PALM2AKAP2: variants seen among roughly 807,000 people sequenced by gnomAD.
PALM2AKAP2 encodes the protein PALM2 and AKAP2 fusion, also known as PALM2-AKAP2 fusion protein.
PALM2AKAP2 carries 37 observed loss-of-function variants against 71.5 expected under a neutral mutation model. The ratio of observed to expected loss-of-function variants is 0.52; its 90% CI spans 0.40 to 0.68. PALM2AKAP2 has a LOEUF of 0.68. PALM2AKAP2 is among the 30% of genes least tolerant of loss of function. The probability of loss-of-function intolerance (pLI) is 0.00; values close to 1 mark genes in which losing one functional copy is unlikely to be tolerated. For missense variants in PALM2AKAP2, 1,224 were observed against 1,191.8 expected, an observed-to-expected ratio of 1.03 and a Z score of -0.40; for synonymous variants, 468 against 478.8, an observed-to-expected ratio of 0.98 and a Z score of 0.29.
intron 6 of PALM2AKAP2, among the ~76,000 whole-genome samples, chr9:109,980,950 C>T (rs769077060): frequency 1.2e-4 from 18 of 152,178 alleles, no homozygotes; most frequent in Non-Finnish European, 2.5e-4. Context: ...GGGGTGCCTC[C>T]CAGCTTCGTG....
chr9:110,168,361 C>T, intron 3 of PALM2AKAP2, 38 bp from the exon 11 acceptor site: 1 of 1,600,886 alleles, frequency 6.2e-7, no homozygotes, highest in Non-Finnish European at 8.5e-7. Context: ...TAATTAACAT[C>T]CATGAACTCT....
chr9:110,096,928 TTTTATTTATTTATTTA>T (rs149932603), intron 1 of PALM2AKAP2, among the ~76,000 whole-genome samples: 3,429 of 148,402 alleles, frequency 0.023, 120 homozygotes, highest in African/African-American at 0.08. Flanking sequence ...AGAATTTTCT[TTTTATTTATTTATTTA>T]TTTATTTATT....
intron 1 of PALM2AKAP2, among the ~76,000 whole-genome samples, chr9:109,678,171 CCACAATAAATA>C (rs1288112747): frequency 6.6e-6 from 1 of 152,148 alleles, no homozygotes; most frequent in African/African-American, 2.4e-5. Context: ...TTCTGCATTT[CCACAATAAATA>C]CACAAGCAGG....
intron 3 of PALM2AKAP2, 113 bp downstream of exon 9, chr9:110,156,610 T>TG: frequency 7.5e-7 from 1 of 1,331,982 alleles, no homozygotes; most frequent in Non-Finnish European, 9.8e-7. Flanking sequence ...AGCATTAGGG[T>TG]TCCAGTATCA....
chr9:109,762,150 G>A (rs1829064723), intron 1 of PALM2AKAP2, among the ~76,000 whole-genome samples: 1 of 142,342 alleles, frequency 7.0e-6, no homozygotes, highest in Non-Finnish European at 1.6e-5. Flanking sequence ...GGATCTAGAA[G>A]GACAGAATTT....
chr9:109,992,746 A>T (rs1832508190), intron 6 of PALM2AKAP2, among the ~76,000 whole-genome samples: 1 of 152,038 alleles, frequency 6.6e-6, no homozygotes, highest in Non-Finnish European at 1.5e-5. Context: ...CAACTAGATG[A>T]CTTCTAGCAT....
Position 109,941,145 on chromosome 9 carries a change from C to CTT in PALM2AKAP2, c.496+9140_496+9141dup, listed in dbSNP as rs34635858. On this transcript the variant is annotated intron_variant, in intron 6 of 9. Coordinates refer to the PALM2AKAP2 transcript ENST00000302798. ...TTCTCTTCTTCTTCTTCTTCCTCTT[C>CTT]TTTTTTTTTTTTTTTTTTTTTTTTA... 3.5e-3 allele frequency among the ~76,000 whole-genome samples: 375 copies of CTT among 106,246 alleles called. 4 individuals are homozygous for CTT. The highest frequency in any genetic ancestry group is 0.012 in the Middle Eastern group (2 of 164). 69.7% of individuals were successfully genotyped at this position (106,246 alleles called of 152,430 possible).
chr9:110,109,604 T>G (rs1264952157), intron 1 of PALM2AKAP2, among the ~76,000 whole-genome samples: 1 of 152,114 alleles, frequency 6.6e-6, no homozygotes, highest in Non-Finnish European at 1.5e-5. Flanking sequence ...TAGAACTACG[T>G]GCAAGGGGTC....
rs528030868 is a variant in PALM2AKAP2 at position 109,951,230 on chromosome 9, T to C, written c.496+19202T>C. On this transcript the variant is annotated intron_variant, in intron 6 of 9. Transcript: ENST00000302798. ...TGATGTCTCTGTAAATACTTTCATT[T>C]GTGGTTGGTTGGTGGGGGTGGGGGT... Among the ~76,000 whole-genome samples, 14 of 136,162 alleles carry C rather than the reference T, an allele frequency of 1.0e-4. No homozygotes were observed. In the South Asian group the frequency reaches 3.7e-3, roughly 36 times the overall value. 89.3% of individuals were successfully genotyped at this position (136,162 alleles called of 152,430 possible).
At chr9:110,044,337 T>G (rs1333578091), upstream of PALM2AKAP2, among the ~76,000 whole-genome samples, 1 of 143,794 alleles carries the variant, frequency 7.0e-6, no homozygotes, top group Non-Finnish European at 1.5e-5. Flanking sequence ...TTTCTTTTTC[T>G]TTCTTTCTTT....
intron 2 of PALM2AKAP2, among the ~76,000 whole-genome samples, chr9:110,148,167 T>G (rs1302190149): frequency 6.6e-6 from 1 of 152,316 alleles, no homozygotes; most frequent in Admixed American, 6.5e-5. Flanking sequence ...ATAATTTTCA[T>G]TCTTACTGTT....
chr9:110,022,822 T>C (rs1236047607), intron 7 of PALM2AKAP2, among the ~76,000 whole-genome samples: 1 of 151,390 alleles, frequency 6.6e-6, no homozygotes, highest in East Asian at 1.9e-4. Context: ...AGTGAGAACA[T>C]GTGGTGTTTG....
At chr9:109,734,772 G>A (rs1379345751) in intron 1 of PALM2AKAP2, among the ~76,000 whole-genome samples, 16 of 152,168 alleles carry the variant, frequency 1.1e-4, no homozygotes, top group Admixed American at 1.0e-3. Flanking sequence ...TTTCCAATGT[G>A]TTAGTATTGC....
intron 3 of PALM2AKAP2, among the ~76,000 whole-genome samples, chr9:109,889,162 T>C (rs1830032491): frequency 1.3e-5 from 2 of 152,262 alleles, no homozygotes; most frequent in South Asian, 2.1e-4. Flanking sequence ...GCTTCTCTTA[T>C]GCACTGAGCC....
At chr9:110,064,052 A>G (rs1834021448) in intron 1 of PALM2AKAP2, among the ~76,000 whole-genome samples, 1 of 152,128 alleles carries the variant, frequency 6.6e-6, no homozygotes, top group South Asian at 2.1e-4. Flanking sequence ...GCTTCCACGG[A>G]CCAAAGTGAA....
chr9:110,100,922 G>T (rs1252810650), intron 1 of PALM2AKAP2, among the ~76,000 whole-genome samples: 1 of 152,174 alleles, frequency 6.6e-6, no homozygotes, highest in Non-Finnish European at 1.5e-5. Flanking sequence ...GCCAAGGGTG[G>T]CTTCCGGGGA....
At chr9:109,747,347 A>C (rs937672373) in intron 1 of PALM2AKAP2, among the ~76,000 whole-genome samples, 4 of 152,208 alleles carry the variant, frequency 2.6e-5, no homozygotes, top group Non-Finnish European at 4.4e-5. Context: ...CTTCTTAAAC[A>C]GATGTTTTAC....
At chr9:110,162,027 G>A (rs922961947) in intron 3 of PALM2AKAP2, 67 bp from the exon 10 acceptor site, 7 of 1,586,876 alleles carry the variant, frequency 4.4e-6, no homozygotes, top group Admixed American at 3.3e-5. Context: ...GCCTGTTCCC[G>A]GCTAGGGGGT....
intron 1 of PALM2AKAP2, among the ~76,000 whole-genome samples, chr9:109,818,517 G>A (rs189260793): frequency 6.6e-6 from 1 of 152,294 alleles, no homozygotes; most frequent in Admixed American, 6.5e-5. Context: ...GTTTTATGAT[G>A]CTTCTGTATC....
Sources: gnomAD v4.1 joint callset for allele counts (sites outside exome capture counted in the v4.1 genomes callset) on GRCh38, gnomAD v4.1.1 for gene constraint, MANE v1.5 for transcripts, NCBI Gene and HGNC (gene_info 2026-07-23, HGNC 2026-07-21) for gene names.